Variants in PCMT1 observed in about 807,000 individuals in gnomAD.
PCMT1 encodes the protein protein-L-isoaspartate (D-aspartate) O-methyltransferase.
A neutral mutation model predicts 29.2 loss-of-function variants in PCMT1; 9 were observed. That is an observed-to-expected ratio of 0.31 (90% CI 0.19 to 0.54). The LOEUF (loss-of-function observed/expected upper bound fraction) is 0.54, where lower values mean the gene tolerates loss of function less well. Ranked by LOEUF, PCMT1 falls within the 20% of genes least tolerant of loss-of-function variation. The pLI is 0.95. For synonymous variants in PCMT1, 98 were observed against 97.5 expected, an observed-to-expected ratio of 1.00 and a Z score of -0.03; for missense variants, 184 against 282.2, an observed-to-expected ratio of 0.65 and a Z score of 2.49.
At chr6:149,789,368 G>A (rs536315786) in intron 3 of PCMT1, among the ~76,000 whole-genome samples, 1 of 151,956 alleles carries the variant, frequency 6.6e-6, no homozygotes, top group African/African-American at 2.4e-5. Flanking sequence ...GAGCCACCAC[G>A]CCCAGCCTGA....
At chr6:149,773,015 A>G in intron 2 of PCMT1, 123 bp from the exon 3 acceptor site, 4 of 726,232 alleles carry the variant, frequency 5.5e-6, no homozygotes, top group African/African-American at 1.9e-5. Context: ...AGACTGTCTC[A>G]GAAAAAAAAA....
intron 3 of PCMT1, among the ~76,000 whole-genome samples, chr6:149,777,566 T>G (rs1787622125): frequency 6.6e-6 from 1 of 152,194 alleles, no homozygotes; most frequent in South Asian, 2.1e-4. Context: ...TGAAACAGTA[T>G]AAAAGTTGAG....
Position 149,773,188 on chromosome 6 carries a change from C to T in PCMT1, c.192+19C>T, listed in dbSNP as rs750155809. On this transcript the variant is annotated intron_variant, in intron 3 of 7. Transcript: ENST00000464889. Reference sequence around the variant, plus strand: ...ACACATGGTAAGTTAAGTTTGTTCACTTGGTTACAAATGGATTACATTTTT... The same window carrying T: ...ACACATGGTAAGTTAAGTTTGTTCATTTGGTTACAAATGGATTACATTTTT... The T allele has an allele frequency of 4.4e-6, 7 of 1,590,300 alleles. No homozygotes were observed. Among genetic ancestry groups the T allele is most frequent in the African/African-American group, 4.0e-5 (3 of 74,270 alleles).
chr6:149,799,757 T>A (rs949769936), intron 6 of PCMT1, among the ~76,000 whole-genome samples: 1 of 152,108 alleles, frequency 6.6e-6, no homozygotes, highest in Non-Finnish European at 1.5e-5. Flanking sequence ...GGGAAGGGCC[T>A]GGATGGAAGC....
intron 7 of PCMT1, among the ~76,000 whole-genome samples, chr6:149,804,680 T>A (rs1000080890): frequency 3.3e-5 from 5 of 151,946 alleles, no homozygotes; most frequent in Non-Finnish European, 2.9e-5. Context: ...TTTTGTATTT[T>A]TAGTAGAGAA....
chr6:149,793,525 A>G (rs771640999), intron 4 of PCMT1, 24 bp from the exon 5 acceptor site: 13 of 1,435,870 alleles, frequency 9.1e-6, no homozygotes, highest in South Asian at 5.2e-5. Context: ...CCAATGAGCT[A>G]CTGAATTGTT....
intron 1 of PCMT1, 33 bp downstream of exon 1, chr6:149,749,989 T>C: frequency 6.3e-7 from 1 of 1,589,182 alleles, no homozygotes; most frequent in Non-Finnish European, 8.6e-7. Context: ...GTAGGGCAGC[T>C]GGGGCAGGCT....
At chr6:149,801,759 A>G (rs1775834171) in intron 6 of PCMT1, among the ~76,000 whole-genome samples, 2 of 152,122 alleles carry the variant, frequency 1.3e-5, no homozygotes, top group African/African-American at 4.8e-5. Context: ...TAATTTGTAT[A>G]TACTAAATAA....
chr6:149,789,505 A>G (rs1029336764), intron 3 of PCMT1, among the ~76,000 whole-genome samples: 1 of 152,148 alleles, frequency 6.6e-6, no homozygotes, highest in South Asian at 2.1e-4. Context: ...CCTGACCAAC[A>G]TGGAGAAACC....
intron 1 of PCMT1, among the ~76,000 whole-genome samples, chr6:149,769,308 C>CTTTTTTTTT (rs372773939): frequency 0.06 from 4,288 of 71,130 alleles, 1,053 homozygotes; most frequent in East Asian, 0.16. Context: ...GTGCAGGATT[C>CTTTTTTTTT]TTTTTTTTTT....
At position 149,796,419 on chromosome 6, in the gene PCMT1, G is replaced by A. The variant is rs199792689; in HGVS notation, c.423G>A (p.Gly141=). Residue 141 remains glycine (G), a synonymous_variant, in exon 6 of 8, where the codon GGG becomes GGA. Transcript: ENST00000464889. ...GCATAGCTGTTTTTCTTTCAGTGGGGGATGGAAGAATGGGATATGCTGAAG... is the reference window on the plus strand; with the variant it reads ...GCATAGCTGTTTTTCTTTCAGTGGGAGATGGAAGAATGGGATATGCTGAAG... ...LSSGRVQLVV[G]DGRMGYAEEA... is the part of the protein sequence containing the mutation. 3.1e-4 allele frequency: 494 copies of A among 1,611,698 alleles called. 5 individuals carry two copies. The South Asian group carries it at 5.2e-3, about 17-fold the overall frequency.
chr6:149,766,648 G>A lies in PCMT1; in HGVS notation c.56-4514G>A, dbSNP rs141422284. Among the ~76,000 whole-genome samples the A allele has an allele frequency of 7.3e-3, 1,116 of 152,318 alleles. 22 individuals carry two copies. Among genetic ancestry groups the A allele is most frequent in the African/African-American group, 0.026 (1,084 of 41,572 alleles). On this transcript the variant is annotated intron_variant, in intron 1 of 7. Coordinates refer to ENST00000464889, the MANE Select transcript of PCMT1 (RefSeq NM_001360452.2). ...TCTTGCATCACAGTGGTAGTGCTTA[G>A]TAGTTGCAACAGAGATTACACGGCT...
chr6:149,781,530 A>T (rs931000723), intron 3 of PCMT1, among the ~76,000 whole-genome samples: 3 of 151,794 alleles, frequency 2.0e-5, no homozygotes, highest in Admixed American at 6.6e-5. Flanking sequence ...CGGCCAAAAA[A>T]TTTTTTTTAA....
At chr6:149,760,394 C>A (rs1409824426) in intron 1 of PCMT1, among the ~76,000 whole-genome samples, 1 of 152,194 alleles carries the variant, frequency 6.6e-6, no homozygotes, top group East Asian at 1.9e-4. Context: ...CCAAACAGTT[C>A]AAGACTAATA....
chr6:149,759,555 C>T (rs1371044540), intron 1 of PCMT1, among the ~76,000 whole-genome samples: 2 of 151,892 alleles, frequency 1.3e-5, no homozygotes, highest in Admixed American at 6.6e-5. Flanking sequence ...AGTGCAATGG[C>T]GGGATCTCAG....
At chr6:149,809,027 G>C (rs2115354708) in intron 7 of PCMT1, among the ~76,000 whole-genome samples, 1 of 150,402 alleles carries the variant, frequency 6.6e-6, no homozygotes, top group South Asian at 2.1e-4. Flanking sequence ...GGCTGAGGTG[G>C]GCAGATCACT....
intron 3 of PCMT1, among the ~76,000 whole-genome samples, chr6:149,783,178 G>T (rs1234860884): frequency 6.6e-6 from 1 of 151,958 alleles, no homozygotes; most frequent in African/African-American, 2.4e-5. Flanking sequence ...GTGTCACCCA[G>T]GCTGGATGCA....
At chr6:149,758,024 C>A (rs1218415995) in intron 1 of PCMT1, among the ~76,000 whole-genome samples, 2 of 151,808 alleles carry the variant, frequency 1.3e-5, no homozygotes. Context: ...CTGGGACTTA[C>A]AGGCACGTGC....
chr6:149,787,287 G>GGGAGAGGGGGACC (rs1554255105), intron 3 of PCMT1, among the ~76,000 whole-genome samples: 1 of 144,364 alleles, frequency 6.9e-6, no homozygotes, highest in Admixed American at 7.0e-5. Flanking sequence ...GGAGACCGTG[G>GGGAGAGGGGGACC]GTAGAGGGAG....
Sources: gnomAD v4.1 joint callset for allele counts (sites outside exome capture counted in the v4.1 genomes callset) on GRCh38, gnomAD v4.1.1 for gene constraint, MANE v1.5 for transcripts, NCBI Gene and HGNC (gene_info 2026-07-23, HGNC 2026-07-21) for gene names.